Variants in C8B observed in about 807,000 individuals in gnomAD.
C8B encodes the protein complement component C8 beta chain.
In C8B, 67 loss-of-function variants were observed where a neutral mutation model predicts 64.6. The observed-to-expected ratio is 1.04, with a 90% CI of 0.85 to 1.27. The LOEUF (loss-of-function observed/expected upper bound fraction) is 1.27, where lower values mean the gene tolerates loss of function less well. C8B is among the 50% of genes most tolerant of loss of function. The pLI is 0.00. For missense variants in C8B, 790 were observed against 725.2 expected, an observed-to-expected ratio of 1.09 and a Z score of -1.03; for synonymous variants, 284 against 257.7, an observed-to-expected ratio of 1.10 and a Z score of -0.98.
intron 8 of C8B, among the ~76,000 whole-genome samples, chr1:56,942,997 G>A (rs967201689): frequency 2.8e-4 from 42 of 152,040 alleles, no homozygotes; most frequent in African/African-American, 9.9e-4. Flanking sequence ...TCAGGAGGCT[G>A]AGGTGAGAGG....
At position 56,929,310 on chromosome 1, in the gene C8B, G is replaced by A; in HGVS notation, c.*94C>T. The A allele has an allele frequency of 7.5e-7, 1 of 1,338,900 alleles. No individual in the cohort carries two copies. Among genetic ancestry groups the A allele is most frequent in the Non-Finnish European group, 1.1e-6 (1 of 931,298 alleles). 82.9% of individuals were successfully genotyped at this position (1,338,900 alleles called of 1,614,324 possible). ...ATGGCACTGCCTTTTGCCCTTGCAT[G>A]AACTCCAGGTGGAAACTGGTGTAGG... On this transcript the variant is annotated 3_prime_UTR_variant, in exon 12 of 12. Transcript: ENST00000371237.
intron 1 of C8B, among the ~76,000 whole-genome samples, chr1:56,960,856 G>T (rs369660210): frequency 1.3e-5 from 2 of 151,888 alleles, no homozygotes; most frequent in Non-Finnish European, 2.9e-5. Context: ...CTTGAGTTTC[G>T]GGTGGGGCAT....
At position 56,945,996 on chromosome 1, in the gene C8B, G is replaced by C; in HGVS notation, c.930C>G (p.Ser310Arg). Residue 310 changes from serine (S) to arginine (R), a missense_variant, in exon 7 of 12, where the codon AGC becomes AGG. Coordinates refer to ENST00000371237, the MANE Select transcript of C8B (RefSeq NM_000066.4). The part of the protein sequence containing the change: ...EVAHYKLKPR[S>R]LMLHYEFLQR... Reference sequence around the variant, plus strand: ...GAAGGAACTCGTAATGGAGCATGAGGCTTCTGGGTTTCAGCTTGTAATGTG... The same window carrying C: ...GAAGGAACTCGTAATGGAGCATGAGCCTTCTGGGTTTCAGCTTGTAATGTG... The C allele has an allele frequency of 1.9e-6, 3 of 1,614,128 alleles. No homozygotes were observed. Among genetic ancestry groups the C allele is most frequent in the Non-Finnish European group, 2.5e-6 (3 of 1,180,008 alleles).
At chr1:56,938,903 G>A (rs1225058234) in intron 9 of C8B, among the ~76,000 whole-genome samples, 1 of 149,744 alleles carries the variant, frequency 6.7e-6, no homozygotes, top group Non-Finnish European at 1.5e-5. Context: ...AAAAAAAAAT[G>A]CATGTGAGAG....
At chr1:56,942,331 A>G (rs892715518) in intron 8 of C8B, among the ~76,000 whole-genome samples, 1 of 152,226 alleles carries the variant, frequency 6.6e-6, no homozygotes, top group African/African-American at 2.4e-5. Flanking sequence ...TGACTTACGG[A>G]GTTGCCCAGA....
intron 9 of C8B, among the ~76,000 whole-genome samples, chr1:56,938,580 G>A (rs1442514813): frequency 6.6e-6 from 1 of 151,990 alleles, no homozygotes; most frequent in Admixed American, 6.6e-5. Flanking sequence ...TATGTTCATT[G>A]CTGTCTCTTA....
intron 2 of C8B, chr1:56,959,492 T>A (rs1384392952): frequency 1.7e-6 from 2 of 1,211,190 alleles, no homozygotes; most frequent in South Asian, 1.3e-5. Context: ...TGTGAGTAGG[T>A]GTTCACCAGT....
chr1:56,949,612 A>T lies in C8B; in HGVS notation c.807T>A (p.Ser269Arg). 1.9e-6 allele frequency: 3 copies of T among 1,614,070 alleles called. No individual in the cohort carries two copies. Among genetic ancestry groups the T allele is most frequent in the Non-Finnish European group, 2.5e-6 (3 of 1,179,966 alleles). ...AGTGTTTGCCTCGATCACTTTGACTACTGATGCCAAGTTCAAATATTCCAG... is the reference window on the plus strand; with the variant it reads ...AGTGTTTGCCTCGATCACTTTGACTTCTGATGCCAAGTTCAAATATTCCAG... ...KIPGIFELGI[S>R]SQSDRGKHYI... Residue 269 changes from serine (S) to arginine (R), a missense_variant, in exon 6 of 12, where the codon AGT (serine) becomes AGA (arginine). By Grantham distance (110) the Ser-to-Arg change is moderately radical (BLOSUM62 -1). Coordinates refer to ENST00000371237, the MANE Select transcript of C8B (RefSeq NM_000066.4).
rs146944720 is a variant in C8B at position 56,929,380 on chromosome 1, T to C, written c.*24A>G. The C allele has an allele frequency of 1.6e-3, 2,521 of 1,611,192 alleles. 1 individual carries two copies. The highest frequency in any genetic ancestry group is 2.0e-3 in the Middle Eastern group (9 of 4,442). On this transcript the variant is annotated 3_prime_UTR_variant, in exon 12 of 12. Transcript: ENST00000371237. ...TTGAGGGCTCAGGGCTCTCATTGTATGTAGCCCACTGCTGTATCATCTGCT... is the reference window on the plus strand; with the variant it reads ...TTGAGGGCTCAGGGCTCTCATTGTACGTAGCCCACTGCTGTATCATCTGCT...
At chr1:56,941,064 A>T in intron 8 of C8B, 52 bp from the exon 9 acceptor site, 1 of 1,602,204 alleles carries the variant, frequency 6.2e-7, no homozygotes, top group Non-Finnish European at 8.5e-7. Context: ...TTTGCCCCCT[A>T]GAATTTGCTG....
chr1:56,956,930 G>C lies in C8B; in HGVS notation c.250-20C>G, dbSNP rs114982349. ...CCTGTACTGTAGCAGAGAGGAGCCA[G>C]GTGAACCAAGGGTAAAGCCTTAGAT... is the stretch of plus-strand genomic sequence containing the variant. On this transcript the variant is annotated intron_variant, in intron 2 of 11. Transcript: ENST00000371237. 8,725 of 1,613,796 alleles carry C rather than the reference G, an allele frequency of 5.4e-3. 380 individuals carry two copies. In the African/African-American group the frequency reaches 0.1, roughly 19 times the overall value.
chr1:56,950,735 A>G (rs1467932417), intron 5 of C8B, among the ~76,000 whole-genome samples: 1 of 152,158 alleles, frequency 6.6e-6, no homozygotes, highest in Non-Finnish European at 1.5e-5. Context: ...CAGTTTCTTC[A>G]TGTGTAAAAT....
chr1:56,962,295 G>A (rs1447772672), intron 1 of C8B, among the ~76,000 whole-genome samples: 1 of 152,204 alleles, frequency 6.6e-6, no homozygotes, highest in Non-Finnish European at 1.5e-5. Flanking sequence ...GAAGTAACCA[G>A]CTGAATAAAT....
chr1:56,932,363 C>T (rs1428021904), intron 10 of C8B, among the ~76,000 whole-genome samples: 1 of 152,140 alleles, frequency 6.6e-6, no homozygotes, highest in East Asian at 1.9e-4. Flanking sequence ...TCATATGAAT[C>T]ACAAGAAATC....
At chr1:56,959,166 G>T (rs766211860) in intron 2 of C8B, among the ~76,000 whole-genome samples, 1 of 152,308 alleles carries the variant, frequency 6.6e-6, no homozygotes, top group Non-Finnish European at 1.5e-5. Flanking sequence ...TTAACAGAAA[G>T]TGTAACAACA....
At chr1:56,942,750 C>T (rs886808931) in intron 8 of C8B, among the ~76,000 whole-genome samples, 1 of 151,982 alleles carries the variant, frequency 6.6e-6, no homozygotes, top group East Asian at 1.9e-4. Context: ...TCTGAGCCTG[C>T]AACACCTGAG....
In C8B at chr1:56,949,736, T is replaced by C; in HGVS notation, c.683A>G (p.Glu228Gly). The change falls in exon 6 of 12, where the codon GAA (glutamate) becomes GGA (glycine). Residue 228 changes from glutamate to glycine, a missense_variant. Glu to Gly is a moderately conservative substitution (Grantham distance 98). Coordinates refer to ENST00000371237, the MANE Select transcript of C8B (RefSeq NM_000066.4). ...TGATTCATACTCTTTTAATATGAATTCGTATTTGCCTTGGGTCTAAAGAAG... is the reference window on the plus strand; with the variant it reads ...TGATTCATACTCTTTTAATATGAATCCGTATTTGCCTTGGGTCTAAAGAAG... ...SYTPQTQGKY[E>G]FILKEYESYS... The C allele has an allele frequency of 1.2e-6, 2 of 1,612,986 alleles. No homozygotes were observed. Among genetic ancestry groups the C allele is most frequent in the Non-Finnish European group, 1.7e-6 (2 of 1,179,250 alleles).
intron 2 of C8B, chr1:56,959,656 T>A: frequency 6.5e-7 from 1 of 1,529,988 alleles, no homozygotes; most frequent in Non-Finnish European, 8.8e-7. Flanking sequence ...CTGGACTTGA[T>A]CCTAAGGGTC....
At position 56,942,908 on chromosome 1, in the gene C8B, A is replaced by AAAAAT. The variant is rs1373663145; in HGVS notation, c.1234+783_1234+787dup. 3.3e-5 allele frequency among the ~76,000 whole-genome samples: 5 copies of AAAAAT among 151,522 alleles called. No homozygotes were observed. The South Asian group carries it at 6.3e-4, about 19-fold the overall frequency. On this transcript the variant is annotated intron_variant, in intron 8 of 11. Coordinates refer to ENST00000371237, the MANE Select transcript of C8B (RefSeq NM_000066.4). ...AACATGGCAAAACCCTGTCTCTGTA[A>AAAAAT]AAAATAAAATAAAATAAAATAAATA... is the stretch of plus-strand genomic sequence containing the variant.
Sources: gnomAD v4.1 joint callset for allele counts (sites outside exome capture counted in the v4.1 genomes callset) on GRCh38, gnomAD v4.1.1 for gene constraint, MANE v1.5 for transcripts, NCBI Gene and HGNC (gene_info 2026-07-23, HGNC 2026-07-21) for gene names.